Variants in CACNB4 observed in about 807,000 individuals in gnomAD.
CACNB4 encodes the protein calcium voltage-gated channel auxiliary subunit beta 4.
Under a neutral mutation model 71.2 loss-of-function variants are expected in CACNB4, and 32 were observed. The ratio of observed to expected loss-of-function variants is 0.45; its 90% CI spans 0.34 to 0.60. The LOEUF (loss-of-function observed/expected upper bound fraction) is 0.60, where lower values mean the gene tolerates loss of function less well. CACNB4 is among the 20% of genes least tolerant of loss of function. The probability of loss-of-function intolerance (pLI) is 0.01; values close to 1 mark genes in which losing one functional copy is unlikely to be tolerated. For missense variants in CACNB4, 464 were observed against 647.9 expected, an observed-to-expected ratio of 0.72 and a Z score of 3.08; for synonymous variants, 231 against 236.9, an observed-to-expected ratio of 0.97 and a Z score of 0.23.
rs545173831 is a variant in CACNB4 at position 151,923,055 on chromosome 2, G to A, written c.148-39685C>T. The stretch of plus-strand genomic sequence containing the variant: ...GAAACAGCAAGGCTGGGCTCATTGC[G>A]GACTTGTCTGAATGGGTGTGAGGCA... On this transcript the variant is annotated intron_variant, in intron 2 of 13. Transcript: ENST00000539935. Among the ~76,000 whole-genome samples, 14 of 152,316 alleles carry A rather than the reference G, an allele frequency of 9.2e-5. No individual in the cohort carries two copies. The South Asian group carries it at 2.3e-3, about 25-fold the overall frequency.
At chr2:151,927,662 G>A (rs1198580136) in intron 2 of CACNB4, among the ~76,000 whole-genome samples, 7 of 152,344 alleles carry the variant, frequency 4.6e-5, no homozygotes, top group East Asian at 1.9e-4. Context: ...CAATGATCAC[G>A]AACTGCAGGT....
chr2:151,860,734 C>T lies in CACNB4; in HGVS notation c.845G>A (p.Arg282His). ...NNPSKRAIIE[R>H]SNTRSSLAEV... ...ACCTAAGCTGGACCGGGTGTTCGAA[C>T]GTTCAATTATTGCTCTCTTGCTGGG... Residue 282 changes from arginine (R) to histidine (H), a missense_variant, in exon 10 of 14, where the codon CGT becomes CAT. Arg to His is a conservative substitution (Grantham distance 29, BLOSUM62 0). Around this residue, in one of 3 missense-constraint regions of CACNB4, gnomAD observed 299 missense variants for 471.7 expected, o/e 0.63. Coordinates refer to ENST00000539935, the MANE Select transcript of CACNB4 (RefSeq NM_000726.5). 1.9e-6 allele frequency: 3 copies of T among 1,612,896 alleles called. No homozygotes were observed. Among genetic ancestry groups the T allele is most frequent in the Non-Finnish European group, 8.5e-7 (1 of 1,178,934 alleles).
At chr2:151,949,424 T>C (rs1464500452) in intron 2 of CACNB4, among the ~76,000 whole-genome samples, 2 of 152,088 alleles carry the variant, frequency 1.3e-5, no homozygotes, top group African/African-American at 4.8e-5. Flanking sequence ...ACTAGGGAAT[T>C]ATGAGAGGCT....
chr2:151,921,454 G>T (rs763900496), intron 2 of CACNB4, among the ~76,000 whole-genome samples: 8 of 152,104 alleles, frequency 5.3e-5, no homozygotes, highest in Non-Finnish European at 8.8e-5. Context: ...AAACTTAATG[G>T]CTTAAGCCAA....
intron 2 of CACNB4, among the ~76,000 whole-genome samples, chr2:151,889,840 C>A (rs761177096): frequency 7.9e-5 from 12 of 152,152 alleles, no homozygotes; most frequent in Non-Finnish European, 1.3e-4. Context: ...TACATAGGCC[C>A]TACAGTGCCT....
chr2:152,007,859 C>T lies in CACNB4; in HGVS notation c.147+90471G>A, dbSNP rs1682820755. Among the ~76,000 whole-genome samples the T allele has an allele frequency of 2.0e-5, 3 of 152,002 alleles. No individual in the cohort carries two copies. In the South Asian group the frequency reaches 6.2e-4, roughly 32 times the overall value. On this transcript the variant is annotated intron_variant, in intron 2 of 13. Transcript: ENST00000539935. ...CCATCTTGGCTTACTGCAACCTCCA[C>T]CTCCCGGGTTCAAGTGGTTCTGCTG...
chr2:152,050,941 ATTTTT>A (rs1685397509), intron 2 of CACNB4, among the ~76,000 whole-genome samples: 2 of 151,366 alleles, frequency 1.3e-5, no homozygotes, highest in African/African-American at 4.9e-5. Flanking sequence ...CATCCAGCTA[ATTTTT>A]TTTATTGACA....
chr2:151,916,092 T>C (rs1006116936), intron 2 of CACNB4, among the ~76,000 whole-genome samples: 1 of 152,128 alleles, frequency 6.6e-6, no homozygotes, highest in African/African-American at 2.4e-5. Flanking sequence ...TCAACTTTGA[T>C]GAGAGAACCT....
intron 2 of CACNB4, among the ~76,000 whole-genome samples, chr2:151,907,117 G>A: frequency 6.6e-6 from 1 of 151,726 alleles, no homozygotes; most frequent in Non-Finnish European, 1.5e-5. Flanking sequence ...TTTACTGAAT[G>A]AGAAAACATG....
Position 151,859,028 on chromosome 2 carries a change from T to C in CACNB4, c.868+1683A>G, listed in dbSNP as rs748268883. Reference sequence around the variant, plus strand: ...TATTTCCTAAGTCTAGCACAATGCATGGCACATAACAAGTGTTCAATAAAC... The same window carrying C: ...TATTTCCTAAGTCTAGCACAATGCACGGCACATAACAAGTGTTCAATAAAC... On this transcript the variant is annotated intron_variant, in intron 10 of 13. Coordinates refer to ENST00000539935, the MANE Select transcript of CACNB4 (RefSeq NM_000726.5). The C allele has an allele frequency of 5.9e-5, 9 of 152,230 alleles. No homozygotes were observed. The East Asian group carries it at 1.7e-3, about 29-fold the overall frequency. The allele number at this position is 152,230 out of a possible 1,614,324, so 9.4% of individuals were successfully genotyped here.
intron 2 of CACNB4, among the ~76,000 whole-genome samples, chr2:152,094,870 T>C (rs1006482721): frequency 6.6e-6 from 1 of 152,234 alleles, no homozygotes; most frequent in African/African-American, 2.4e-5. Flanking sequence ...TTCTATGGCC[T>C]CATTTGGAAA....
chr2:151,927,596 A>T (rs1560010814), intron 2 of CACNB4, among the ~76,000 whole-genome samples: 1 of 152,210 alleles, frequency 6.6e-6, no homozygotes, highest in Non-Finnish European at 1.5e-5. Context: ...AGCACAGTGA[A>T]TGGACTGGTG....
chr2:152,091,665 T>A (rs1687981216), intron 2 of CACNB4, among the ~76,000 whole-genome samples: 1 of 152,070 alleles, frequency 6.6e-6, no homozygotes. Flanking sequence ...CGTAACTGGT[T>A]GTGCCCCTCC....
intron 2 of CACNB4, among the ~76,000 whole-genome samples, chr2:152,052,490 T>C (rs1579205476): frequency 6.6e-6 from 1 of 152,096 alleles, no homozygotes; most frequent in African/African-American, 2.4e-5. Flanking sequence ...GACAGGGTTT[T>C]GCCACGTTGG....
At chr2:151,904,846 T>G (rs901254992) in intron 2 of CACNB4, among the ~76,000 whole-genome samples, 1 of 152,206 alleles carries the variant, frequency 6.6e-6, no homozygotes, top group African/African-American at 2.4e-5. Context: ...AGACATCTTT[T>G]AAGAACTGAA....
chr2:151,914,866 C>T (rs2099857059), intron 2 of CACNB4, among the ~76,000 whole-genome samples: 1 of 152,310 alleles, frequency 6.6e-6, no homozygotes, highest in South Asian at 2.1e-4. Context: ...TCTTCTGGGA[C>T]CTCTGACCTC....
At chr2:151,904,615 AC>A (rs1559966781) in intron 2 of CACNB4, among the ~76,000 whole-genome samples, 1 of 151,254 alleles carries the variant, frequency 6.6e-6, no homozygotes, top group Non-Finnish European at 1.5e-5. Flanking sequence ...GCTCACTGCA[AC>A]CTCTACCTCC....
intron 2 of CACNB4, among the ~76,000 whole-genome samples, chr2:151,928,801 G>A (rs925219630): frequency 2.6e-5 from 4 of 152,036 alleles, no homozygotes; most frequent in East Asian, 1.9e-4. Flanking sequence ...GTATGTGCCG[G>A]TGGTCCCAGC....
chr2:151,922,802 A>AT lies in CACNB4; in HGVS notation c.148-39433dup, dbSNP rs142883034. On this transcript the variant is annotated intron_variant, in intron 2 of 13. Transcript: ENST00000539935. ...TCACAAATCCTGTTTTCATTCTAAT[A>AT]TTTTTTAGACCTTTTGAATTTTGCA... 9.4e-3 allele frequency among the ~76,000 whole-genome samples: 1,435 copies of AT among 152,304 alleles called. 18 individuals are homozygous for AT. The highest frequency in any genetic ancestry group is 0.032 in the African/African-American group (1,339 of 41,558).
Sources: allele counts gnomAD v4.1 joint callset (sites outside exome capture counted in the v4.1 genomes callset), GRCh38; gene constraint gnomAD v4.1.1; regional missense constraint gnomAD v4.1.1; transcripts MANE v1.5; gene names NCBI Gene and HGNC (gene_info 2026-07-23, HGNC 2026-07-21).